Variants in TUBD1 observed in about 807,000 individuals in gnomAD.
The protein encoded by TUBD1 is tubulin delta chain.
A neutral mutation model predicts 51.2 loss-of-function variants in TUBD1; 38 were observed. The observed-to-expected ratio is 0.74, with a 90% CI of 0.57 to 0.97. TUBD1 has a LOEUF of 0.97. Ranked by LOEUF, TUBD1 falls within the 50% of genes least tolerant of loss-of-function variation. The probability of loss-of-function intolerance (pLI) is 0.00; values close to 1 mark genes in which losing one functional copy is unlikely to be tolerated. For synonymous variants in TUBD1, 169 were observed against 178.2 expected, an observed-to-expected ratio of 0.95 and a Z score of 0.41; for missense variants, 489 against 538.4, an observed-to-expected ratio of 0.91 and a Z score of 0.91.
chr17:59,881,645 A>C (rs910011466), intron 3 of TUBD1, among the ~76,000 whole-genome samples: 1 of 151,538 alleles, frequency 6.6e-6, no homozygotes, highest in Non-Finnish European at 1.5e-5. Flanking sequence ...TATTTTTTCT[A>C]TGTGTTGGGA....
intron 3 of TUBD1, among the ~76,000 whole-genome samples, chr17:59,882,221 T>C (rs903325288): frequency 6.6e-6 from 1 of 152,078 alleles, no homozygotes; most frequent in African/African-American, 2.4e-5. Flanking sequence ...GAGCAACTTC[T>C]TTTAATCTTC....
intron 4 of TUBD1, among the ~76,000 whole-genome samples, chr17:59,879,107 C>T (rs148611992): frequency 1.3e-5 from 2 of 152,012 alleles, no homozygotes; most frequent in African/African-American, 4.8e-5. Flanking sequence ...AAACCCCCCA[C>T]CTCTACTAAA....
chr17:59,870,531 A>C (rs907094933), intron 6 of TUBD1, among the ~76,000 whole-genome samples: 4 of 152,026 alleles, frequency 2.6e-5, no homozygotes, highest in Non-Finnish European at 4.4e-5. Flanking sequence ...TGCTGTGAAA[A>C]GGCTAAACCT....
intron 5 of TUBD1, among the ~76,000 whole-genome samples, chr17:59,876,264 G>C (rs1040300428): frequency 6.6e-6 from 1 of 151,372 alleles, no homozygotes; most frequent in Admixed American, 6.6e-5. Flanking sequence ...CTGCAACCTC[G>C]AACTCCCAGG....
At chr17:59,868,133 A>AT (rs2039795871) in intron 6 of TUBD1, among the ~76,000 whole-genome samples, 3 of 148,742 alleles carry the variant, frequency 2.0e-5, no homozygotes, top group Middle Eastern at 3.4e-3. Flanking sequence ...AAAAAAAAAA[A>AT]ATTAGCTGGG....
Position 59,868,150 on chromosome 17 carries a change from G to C in TUBD1, c.935-1401C>G, listed in dbSNP as rs559342264. 3.2e-4 allele frequency among the ~76,000 whole-genome samples: 47 copies of C among 146,716 alleles called. No homozygotes were observed. The South Asian group carries it at 5.8e-3, about 18-fold the overall frequency. On this transcript the variant is annotated intron_variant, in intron 6 of 8. Coordinates refer to ENST00000325752, the MANE Select transcript of TUBD1 (RefSeq NM_016261.4). ...AAAAAAAAAATTAGCTGGGTGTAGT[G>C]GCAGGTGCCTATAATCTCAGCTACT...
At chr17:59,886,306 T>C in intron 2 of TUBD1, 76 bp from the exon 3 acceptor site, 1 of 1,338,884 alleles carries the variant, frequency 7.5e-7, no homozygotes, top group East Asian at 2.6e-5. Flanking sequence ...ACTCAGAGCA[T>C]CTAAGTGTCC....
chr17:59,874,604 AATGTGGTGT>A lies in TUBD1; in HGVS notation c.860_868del (p.Tyr287_Thr289del), dbSNP rs2040142744. On this transcript the variant is annotated inframe_deletion, in exon 6 of 9. Coordinates refer to ENST00000325752, the MANE Select transcript of TUBD1 (RefSeq NM_016261.4). ...ATGCTTGAGGAGGCCAGCCCAAGTA[AATGTGGTGT>A]ATGCCAATGAATTCTCAGACATGTG... is the stretch of plus-strand genomic sequence containing the variant. The A allele has an allele frequency of 6.2e-7, 1 of 1,613,644 alleles. No homozygotes were observed. The highest frequency in any genetic ancestry group is 1.3e-5 in the African/African-American group (1 of 74,894).
At chr17:59,880,744 G>A in intron 4 of TUBD1, 150 bp downstream of exon 4, 1 of 679,268 alleles carries the variant, frequency 1.5e-6, no homozygotes. Context: ...TCGATATCCT[G>A]ACCTCACGAT....
intron 5 of TUBD1, among the ~76,000 whole-genome samples, chr17:59,876,231 T>A (rs987393949): frequency 6.6e-6 from 1 of 151,998 alleles, no homozygotes; most frequent in African/African-American, 2.4e-5. Flanking sequence ...TCCAAACTGG[T>A]GTGCAGTGGC....
Position 59,878,310 on chromosome 17 carries a change from T to A in TUBD1, c.562A>T (p.Ile188Phe), listed in dbSNP as rs1470013584. The A allele has an allele frequency of 1.9e-6, 3 of 1,613,606 alleles. No homozygotes were observed. The African/African-American group carries it at 4.0e-5, about 22-fold the overall frequency. The change falls in exon 5 of 9, where the codon ATT becomes TTT. Residue 188 changes from isoleucine (I) to phenylalanine (F), a missense_variant. By Grantham distance (21) the Ile-to-Phe change is conservative. Coordinates refer to ENST00000325752, the MANE Select transcript of TUBD1 (RefSeq NM_016261.4). Reference protein sequence around the residue: ...GEVIVQNYNSILTLSHLYRSS... With the variant: ...GEVIVQNYNSFLTLSHLYRSS... ...CGGTACAAGTGAGAAAGTGTCAAAA[T>A]GGAGTTGTAGTTTTGAACAATAACC...
intron 4 of TUBD1, 147 bp from the exon 5 acceptor site, chr17:59,878,481 T>G: frequency 1.7e-6 from 1 of 575,832 alleles, no homozygotes; most frequent in Non-Finnish European, 3.1e-6. Context: ...ATCTCTATGC[T>G]CAGTTTCCTT....
At chr17:59,888,219 G>A (rs2040823567) in intron 2 of TUBD1, among the ~76,000 whole-genome samples, 1 of 152,168 alleles carries the variant, frequency 6.6e-6, no homozygotes, top group African/African-American at 2.4e-5. Flanking sequence ...ATAGGCATGA[G>A]CCACTGCACC....
In TUBD1 at chr17:59,886,096, T is replaced by A; in HGVS notation, c.307A>T (p.Asn103Tyr). The change falls in exon 3 of 9, where the codon AAC becomes TAC. Residue 103 changes from asparagine to tyrosine, a missense_variant. Coordinates refer to ENST00000325752, the MANE Select transcript of TUBD1 (RefSeq NM_016261.4). ...CFCQKQGSGNNWAYGYSVHGP... is the reference protein window; with the variant it reads ...CFCQKQGSGNYWAYGYSVHGP... ...AATTATTCTTACCCATATGCCCAGT[T>A]GTTTCCAGAACCTTGTTTTTGACAG... The A allele has an allele frequency of 6.2e-7, 1 of 1,614,030 alleles. No individual in the cohort carries two copies. Among genetic ancestry groups the A allele is most frequent in the Non-Finnish European group, 8.5e-7 (1 of 1,179,996 alleles).
At chr17:59,872,143 TG>T (rs920563820) in intron 6 of TUBD1, among the ~76,000 whole-genome samples, 1 of 151,988 alleles carries the variant, frequency 6.6e-6, no homozygotes, top group Admixed American at 6.6e-5. Context: ...TTAGTAGAGA[TG>T]GGGTTTCTAC....
At chr17:59,868,047 G>C (rs945137720) in intron 6 of TUBD1, among the ~76,000 whole-genome samples, 2 of 144,734 alleles carry the variant, frequency 1.4e-5, no homozygotes, top group East Asian at 4.1e-4. Flanking sequence ...CGGATCACTT[G>C]AGGTGAGGAG....
At chr17:59,881,803 G>C (rs1024276235) in intron 3 of TUBD1, among the ~76,000 whole-genome samples, 1 of 151,838 alleles carries the variant, frequency 6.6e-6, no homozygotes, top group Non-Finnish European at 1.5e-5. Flanking sequence ...CTGAGTAGCT[G>C]GGATTACAGA....
At position 59,890,920 on chromosome 17, in the gene TUBD1, TGTGA is replaced by T; in HGVS notation, c.79_82del (p.Ser27ThrfsTer9). The T allele has an allele frequency of 4.3e-6, 7 of 1,614,052 alleles. No individual in the cohort carries two copies. Among genetic ancestry groups the T allele is most frequent in the African/African-American group, 1.3e-5 (1 of 75,044 alleles). Reference sequence around the variant, plus strand: ...CATAGAGCAGAGTCCCTGGGAACTGTGTGAGTCACTAAGCAAAGCATCAAAAACT... The same window carrying T: ...CATAGAGCAGAGTCCCTGGGAACTGTGTCACTAAGCAAAGCATCAAAAACT... On this transcript the variant is annotated frameshift_variant, in exon 2 of 9. Transcript: ENST00000325752. LOFTEE classifies it high-confidence loss of function.
intron 4 of TUBD1, among the ~76,000 whole-genome samples, chr17:59,880,461 T>C (rs1165516663): frequency 6.6e-6 from 1 of 152,164 alleles, no homozygotes; most frequent in Non-Finnish European, 1.5e-5. Flanking sequence ...ATAACCATTC[T>C]GGAAGCCATA....
Sources: gnomAD v4.1 joint callset for allele counts (sites outside exome capture counted in the v4.1 genomes callset) on GRCh38, gnomAD v4.1.1 for gene constraint, MANE v1.5 for transcripts, NCBI Gene and HGNC (gene_info 2026-07-23, HGNC 2026-07-21) for gene names.